The following ZDHHC1 variants were observed in gnomAD, a reference collection of about 807,000 sequenced individuals.
The protein encoded by ZDHHC1 is palmitoyltransferase ZDHHC1.
Under a neutral mutation model 46.9 loss-of-function variants are expected in ZDHHC1, and 45 were observed. The observed-to-expected ratio is 0.96, with a 90% CI of 0.76 to 1.23. ZDHHC1 has a LOEUF of 1.23. Ranked by LOEUF, ZDHHC1 falls within the 50% of genes most tolerant of loss-of-function variation. ZDHHC1 has a pLI of 0.00. For missense variants in ZDHHC1, 649 were observed against 670.8 expected (o/e 0.97, Z 0.36); for synonymous variants, 291 against 286.0 (o/e 1.02, Z -0.18).
intron 8 of ZDHHC1, among the ~76,000 whole-genome samples, chr16:67,397,721 G>A (rs1027429780): frequency 2.6e-5 from 4 of 152,168 alleles, no homozygotes; most frequent in Non-Finnish European, 4.4e-5. Flanking sequence ...TGGCCAGGCC[G>A]GCCAGAGCGT....
At chr16:67,399,314 C>A in intron 5 of ZDHHC1, 41 bp downstream of exon 5, 1 of 1,553,720 alleles carries the variant, frequency 6.4e-7, no homozygotes, top group South Asian at 1.1e-5. Context: ...CACCCTCAGA[C>A]AGTGCATCCC....
chr16:67,399,548 G>T, intron 4 of ZDHHC1, 92 bp from the exon 5 acceptor site: 6 of 1,070,528 alleles, frequency 5.6e-6, no homozygotes, highest in Non-Finnish European at 8.0e-6. Context: ...TCTGTGGAGG[G>T]ACCAAGCGCC....
Position 67,395,516 on chromosome 16 carries a change from A to G in ZDHHC1, c.978T>C (p.Pro326=). Residue 326 remains proline (P), a synonymous_variant, in exon 9 of 12, where the codon CCT becomes CCC. Coordinates refer to ENST00000565726, the MANE Select transcript of ZDHHC1 (RefSeq NM_001323627.2). ...TCACTGCTGCTGGCCCGGCCTGGCC[A>G]GGGGGCTCTGGGCGCATATGTCTGA... ...RTFRHMRPEP[P]GQAGPAAVNA... is the part of the protein sequence containing the mutation. 1 of 1,555,262 alleles carries G rather than the reference A, an allele frequency of 6.4e-7. No individual in the cohort carries two copies. The highest frequency in any genetic ancestry group is 8.7e-7 in the Non-Finnish European group (1 of 1,148,824).
chr16:67,397,981 G>A (rs931518239), intron 8 of ZDHHC1, among the ~76,000 whole-genome samples: 4 of 152,180 alleles, frequency 2.6e-5, no homozygotes, highest in Non-Finnish European at 5.9e-5. Context: ...GCCCTCCCGC[G>A]CATGCTTGGC....
chr16:67,413,323 G>A (rs973890552), intron 1 of ZDHHC1, among the ~76,000 whole-genome samples: 5 of 152,136 alleles, frequency 3.3e-5, no homozygotes, highest in African/African-American at 1.2e-4. Flanking sequence ...AATTTTCACT[G>A]AGATTTAACA....
chr16:67,415,320 G>A (rs1025257201), intron 1 of ZDHHC1, among the ~76,000 whole-genome samples: 3 of 152,066 alleles, frequency 2.0e-5, no homozygotes, highest in South Asian at 2.1e-4. Context: ...TTAGCTGAGC[G>A]TGGTGGCGGG....
At chr16:67,396,546 C>T (rs2142223208) in intron 8 of ZDHHC1, among the ~76,000 whole-genome samples, 1 of 152,274 alleles carries the variant, frequency 6.6e-6, no homozygotes, top group South Asian at 2.1e-4. Flanking sequence ...GAGAGGGGCC[C>T]CTCCCGCATT....
intron 8 of ZDHHC1, among the ~76,000 whole-genome samples, chr16:67,397,652 G>A (rs2040458362): frequency 6.6e-6 from 1 of 152,142 alleles, no homozygotes; most frequent in Admixed American, 6.5e-5. Context: ...CCACCCCAGC[G>A]GCTGACCTCA....
chr16:67,407,383 G>T (rs1217755777), intron 2 of ZDHHC1, among the ~76,000 whole-genome samples: 2 of 152,216 alleles, frequency 1.3e-5, no homozygotes, highest in African/African-American at 4.8e-5. Flanking sequence ...GCCAGGAGCT[G>T]GGACTAAAAC....
intron 1 of ZDHHC1, among the ~76,000 whole-genome samples, chr16:67,415,427 C>G (rs924568847): frequency 6.6e-6 from 1 of 152,012 alleles, no homozygotes; most frequent in Non-Finnish European, 1.5e-5. Context: ...CCACAGCACT[C>G]CAGCCTGGGT....
chr16:67,397,879 C>T (rs2040461963), intron 8 of ZDHHC1, among the ~76,000 whole-genome samples: 1 of 152,206 alleles, frequency 6.6e-6, no homozygotes, highest in Non-Finnish European at 1.5e-5. Context: ...ATGGCTCCAT[C>T]CTGGCCACCC....
intron 7 of ZDHHC1, 36 bp from the exon 8 acceptor site, chr16:67,398,360 G>A (rs1472320907): frequency 6.3e-7 from 1 of 1,592,386 alleles, no homozygotes; most frequent in Admixed American, 1.7e-5. Context: ...TGCGGTGGAA[G>A]GGGGACTCTG....
Position 67,401,279 on chromosome 16 carries a change from G to T in ZDHHC1, c.253-147C>A. 8.7e-7 allele frequency: 1 copy of T among 1,151,304 alleles called. No homozygotes were observed. The highest frequency in any genetic ancestry group is 1.2e-6 in the Non-Finnish European group (1 of 831,334). The allele number at this position is 1,151,304 out of a possible 1,614,324, so 71.3% of individuals were successfully genotyped here. A position where few individuals can be genotyped will look rare whatever the true frequency, so the allele number is the denominator to read the frequency against. On this transcript the variant is annotated intron_variant, in intron 3 of 11. Transcript: ENST00000565726. The surrounding 1 kb of genome is among the most constrained non-coding windows in gnomAD (Gnocchi z 4.6). The stretch of plus-strand genomic sequence containing the variant: ...CACCTCCTACCTCCAGTCCCCCAAA[G>T]CCTCCTCATCAGACCTCTCCAGGTA...
rs2040403349 is a variant in ZDHHC1, at chr16:67,395,211, G to A, written c.1080C>T (p.Ala360=). The change falls in exon 10 of 12, where the codon GCC becomes GCT. Residue 360 remains alanine (A), a synonymous_variant. Transcript: ENST00000565726. ...CCTGGGGTCGGATCCGGGGAGGCAG[G>A]GCGAGAGTGTCTGGGGAAGAGGGTG... ...PPPPSSPDTL[A]LPPRIRPQKK... is the part of the protein sequence containing the mutation. 1.2e-6 allele frequency: 2 copies of A among 1,610,914 alleles called. No homozygotes were observed. The highest frequency in any genetic ancestry group is 8.5e-7 in the Non-Finnish European group (1 of 1,179,178).
chr16:67,403,050 A>G (rs1043912617), intron 3 of ZDHHC1, among the ~76,000 whole-genome samples: 2 of 152,210 alleles, frequency 1.3e-5, no homozygotes, highest in African/African-American at 4.8e-5. Flanking sequence ...TACCTGAGGA[A>G]GTATTGTCTC....
At position 67,406,388 on chromosome 16, in the gene ZDHHC1, T is replaced by A; in HGVS notation, c.64A>T (p.Thr22Ser). 1 of 1,577,198 alleles carries A rather than the reference T, an allele frequency of 6.3e-7. No homozygotes were observed. Among genetic ancestry groups the A allele is most frequent in the Non-Finnish European group, 8.6e-7 (1 of 1,161,350 alleles). Reference protein sequence around the residue: ...NKTAPEKSVWTAPAQPSGPSP... With the variant: ...NKTAPEKSVWSAPAQPSGPSP... ...GGTCCGCTGGGCTGTGCCGGTGCCG[T>A]CCACACACTCTTCTCAGGGGCCGTC... is the stretch of plus-strand genomic sequence containing the variant. The change falls in exon 3 of 12, where the codon ACG (threonine) becomes TCG (serine). Residue 22 changes from threonine (T) to serine (S), a missense_variant. Physicochemically the swap from Thr to Ser is moderately conservative, Grantham distance 58. Transcript: ENST00000565726. This position sits in a 1 kb window ranked among gnomAD's most constrained non-coding sequence, Gnocchi z 4.1.
chr16:67,399,019 G>A, intron 5 of ZDHHC1, 75 bp from the exon 6 acceptor site: 1 of 1,552,178 alleles, frequency 6.4e-7, no homozygotes, highest in Non-Finnish European at 8.7e-7. Context: ...TGGGGCTGTA[G>A]GGTCATTGCT....
intron 8 of ZDHHC1, 42 bp downstream of exon 8, chr16:67,398,169 AC>A (rs1171923842): frequency 6.3e-7 from 1 of 1,578,520 alleles, no homozygotes; most frequent in Non-Finnish European, 8.7e-7. Context: ...ACAGCCCAAC[AC>A]CCCCCACACC....
chr16:67,408,178 T>G (rs968585342), intron 1 of ZDHHC1, among the ~76,000 whole-genome samples: 1 of 152,028 alleles, frequency 6.6e-6, no homozygotes, highest in Non-Finnish European at 1.5e-5. Context: ...TTTTTTTTTT[T>G]CTTCTGAGAC....
Sources: allele counts gnomAD v4.1 joint callset (sites outside exome capture counted in the v4.1 genomes callset), GRCh38; gene constraint gnomAD v4.1.1; non-coding constraint Gnocchi (gnomAD v3.1); transcripts MANE v1.5; gene names NCBI Gene and HGNC (gene_info 2026-07-23, HGNC 2026-07-21).